Variants in CALB2 observed in about 807,000 individuals in gnomAD.
CALB2 encodes calbindin 2.
A neutral mutation model predicts 45.9 loss-of-function variants in CALB2; 34 were observed. That is an observed-to-expected ratio of 0.74 (90% CI 0.56 to 0.99). The LOEUF (loss-of-function observed/expected upper bound fraction) is 0.99. CALB2 is among the 50% of genes least tolerant of loss of function. CALB2 has a pLI of 0.00. For missense variants in CALB2, 344 were observed against 339.3 expected (o/e 1.01, Z -0.11); for synonymous variants, 142 against 129.6 (o/e 1.10, Z -0.65).
At chr16:71,374,035 T>G (rs1339760969) in intron 2 of CALB2, among the ~76,000 whole-genome samples, 2 of 152,128 alleles carry the variant, frequency 1.3e-5, no homozygotes, top group Non-Finnish European at 2.9e-5. Context: ...CATCATTGAT[T>G]AGGGAGAAGG....
In CALB2 at chr16:71,370,720, G is replaced by T. The variant is rs1306559060; in HGVS notation, c.95-1433G>T. Among the ~76,000 whole-genome samples the T allele has an allele frequency of 2.0e-5, 3 of 152,092 alleles. No homozygotes were observed. The East Asian group carries it at 5.8e-4, about 29-fold the overall frequency. ...AACTCTAGCCTGGGCAACACAGCAAGACCCTGTCTCAAAAAAAAGGAAAAA... is the reference window on the plus strand; with the variant it reads ...AACTCTAGCCTGGGCAACACAGCAATACCCTGTCTCAAAAAAAAGGAAAAA... On this transcript the variant is annotated intron_variant, in intron 1 of 10. Transcript: ENST00000302628.
chr16:71,381,217 C>T (rs1179955441), intron 4 of CALB2, among the ~76,000 whole-genome samples: 1 of 152,184 alleles, frequency 6.6e-6, no homozygotes, highest in East Asian at 1.9e-4. Context: ...TTGGTGAAGT[C>T]ATATTTGGAA....
intron 3 of CALB2, among the ~76,000 whole-genome samples, chr16:71,375,326 A>G (rs974640433): frequency 3.3e-5 from 5 of 152,204 alleles, no homozygotes; most frequent in African/African-American, 7.2e-5. Flanking sequence ...ATGCACACGT[A>G]TATACACATA....
Position 71,369,756 on chromosome 16 carries a change from C to A in CALB2, c.95-2397C>A, listed in dbSNP as rs79788612. On this transcript the variant is annotated intron_variant, in intron 1 of 10. Transcript: ENST00000302628. ...GGGCTGAGCTCAGCTTTCCACCTCCCCGTCTGACTCTACAAAGCCTCCGAG... is the reference window on the plus strand; with the variant it reads ...GGGCTGAGCTCAGCTTTCCACCTCCACGTCTGACTCTACAAAGCCTCCGAG... Among the ~76,000 whole-genome samples the A allele has an allele frequency of 6.1e-4, 75 of 123,276 alleles. No homozygotes were observed. In the East Asian group the frequency reaches 9.5e-3, roughly 16 times the overall value. The allele number at this position is 123,276 out of a possible 152,430, so 80.9% of individuals were successfully genotyped here. A position where few individuals can be genotyped will look rare whatever the true frequency, so the allele number is the denominator to read the frequency against.
rs1233225523 is a variant in CALB2 at position 71,370,567 on chromosome 16, T to G, written c.95-1586T>G. Among the ~76,000 whole-genome samples, 11 of 152,116 alleles carry G rather than the reference T, an allele frequency of 7.2e-5. No homozygotes were observed. The East Asian group carries it at 1.9e-3, about 27-fold the overall frequency. Reference sequence around the variant, plus strand: ...AGAGGTGGGGGCCAGATATCCATATTTTTTTTAAGATCCCTGGGTGCCAGG... The same window carrying G: ...AGAGGTGGGGGCCAGATATCCATATGTTTTTTAAGATCCCTGGGTGCCAGG... On this transcript the variant is annotated intron_variant, in intron 1 of 10. Transcript: ENST00000302628.
intron 1 of CALB2, among the ~76,000 whole-genome samples, chr16:71,365,462 C>T (rs935383198): frequency 6.6e-6 from 1 of 152,204 alleles, no homozygotes; most frequent in Non-Finnish European, 1.5e-5. Flanking sequence ...ATTTGCATTT[C>T]TAAGAAGCCC....
intron 1 of CALB2, among the ~76,000 whole-genome samples, chr16:71,364,280 CTTGATATTG>C (rs1274873774): frequency 0.029 from 4,396 of 152,274 alleles, 223 homozygotes; most frequent in African/African-American, 0.1. Context: ...CCTGCATTGC[CTTGATATTG>C]ACAGCCAGGC....
chr16:71,382,622 G>A (rs1276987889), intron 4 of CALB2, 97 bp from the exon 5 acceptor site: 2 of 1,152,524 alleles, frequency 1.7e-6, no homozygotes, highest in South Asian at 2.8e-5. Context: ...TATTCTTGAA[G>A]ATCAAGACCC....
chr16:71,377,222 AT>A (rs1287116108), intron 3 of CALB2, among the ~76,000 whole-genome samples: 1 of 152,178 alleles, frequency 6.6e-6, no homozygotes, highest in Admixed American at 6.6e-5. Flanking sequence ...TTGAGTTTAG[AT>A]TTTAGGCCAT....
At position 71,390,006 on chromosome 16, in the gene CALB2, G is replaced by A. The variant is rs1478717851; in HGVS notation, c.*141G>A. 1.6e-6 allele frequency: 1 copy of A among 628,482 alleles called. No individual in the cohort carries two copies. The highest frequency in any genetic ancestry group is 2.8e-6 in the Non-Finnish European group (1 of 352,496). The allele number at this position is 628,482 out of a possible 1,614,324, so 38.9% of individuals were successfully genotyped here. On this transcript the variant is annotated 3_prime_UTR_variant, in exon 11 of 11. Coordinates refer to ENST00000302628, the MANE Select transcript of CALB2 (RefSeq NM_001740.5). ...CACCTGCCTGCAGAGCAGGAAATGA[G>A]AGATAGAGGATGGGCAGCTGGGGGG...
intron 10 of CALB2, among the ~76,000 whole-genome samples, chr16:71,389,355 A>C (rs994901477): frequency 6.6e-6 from 1 of 152,200 alleles, no homozygotes; most frequent in Non-Finnish European, 1.5e-5. Flanking sequence ...GGTCGAGGAA[A>C]TATATACAAG....
rs1219682584 is a variant in CALB2, at chr16:71,377,692, A to G, written c.287A>G (p.Glu96Gly). 6.2e-7 allele frequency: 1 copy of G among 1,613,942 alleles called. No homozygotes were observed. The highest frequency in any genetic ancestry group is 1.3e-5 in the African/African-American group (1 of 74,934). The change falls in exon 4 of 11, where the codon GAG becomes GGG. Residue 96 changes from glutamate to glycine, a missense_variant. Physicochemically the swap from Glu to Gly is moderately conservative, Grantham distance 98 (BLOSUM62 -2). Around this residue, in one of 3 missense-constraint regions of CALB2, gnomAD observed 263 missense variants for 241.7 expected, o/e 1.09. Transcript: ENST00000302628. ...AELAQILPTE[E>G]NFLLCFRQHV... is the part of the protein sequence containing the mutation. The stretch of plus-strand genomic sequence containing the variant: ...CTGGCGCAGATCCTGCCAACCGAAG[A>G]GAACTTCCTTCTGTGCTTCAGGCAG...
chr16:71,383,871 C>G, intron 6 of CALB2, 99 bp from the exon 7 acceptor site: 1 of 1,356,244 alleles, frequency 7.4e-7, no homozygotes, highest in Non-Finnish European at 1.1e-6. Flanking sequence ...AGCATGAGCA[C>G]GTGTCACCCG....
At chr16:71,363,820 G>A (rs535903008) in intron 1 of CALB2, among the ~76,000 whole-genome samples, 7 of 152,298 alleles carry the variant, frequency 4.6e-5, no homozygotes, top group South Asian at 4.2e-4. Flanking sequence ...TTATCAAAAC[G>A]ATTGGGTCTT....
intron 3 of CALB2, 108 bp downstream of exon 3, chr16:71,374,942 A>G: frequency 1.4e-6 from 1 of 711,022 alleles, no homozygotes; most frequent in Non-Finnish European, 2.5e-6. Flanking sequence ...TGGGGGCCTC[A>G]AAGCTCCTGC....
chr16:71,367,649 C>G (rs897154695), intron 1 of CALB2, among the ~76,000 whole-genome samples: 2 of 152,144 alleles, frequency 1.3e-5, no homozygotes, highest in African/African-American at 2.4e-5. Context: ...CCAGGCTGAC[C>G]ATTGATGCTC....
At chr16:71,376,748 C>T (rs1567539607) in intron 3 of CALB2, among the ~76,000 whole-genome samples, 5 of 151,726 alleles carry the variant, frequency 3.3e-5, no homozygotes. Context: ...ACCACACACA[C>T]CCCCATACAA....
intron 1 of CALB2, among the ~76,000 whole-genome samples, chr16:71,367,583 C>T (rs1055717640): frequency 7.2e-5 from 11 of 152,250 alleles, no homozygotes; most frequent in South Asian, 2.1e-4. Context: ...CGCCACCTGC[C>T]GATCTCTCCT....
At position 71,374,665 on chromosome 16, in the gene CALB2, G is replaced by T. The variant is rs1480058436; in HGVS notation, c.172-80G>T. 5 of 983,074 alleles carry T rather than the reference G, an allele frequency of 5.1e-6. No homozygotes were observed. In the East Asian group the frequency reaches 1.2e-4, roughly 24 times the overall value. The allele number at this position is 983,074 out of a possible 1,614,324, so 60.9% of individuals were successfully genotyped here. ...GCACCCACTTACCCAGGATGCAAATGATTTCCAAGCTTCCTGCTCTGAGAT... is the reference window on the plus strand; with the variant it reads ...GCACCCACTTACCCAGGATGCAAATTATTTCCAAGCTTCCTGCTCTGAGAT... On this transcript the variant is annotated intron_variant, in intron 2 of 10. Coordinates refer to ENST00000302628, the MANE Select transcript of CALB2 (RefSeq NM_001740.5).
Sources: allele counts gnomAD v4.1 joint callset (sites outside exome capture counted in the v4.1 genomes callset), GRCh38; gene constraint gnomAD v4.1.1; regional missense constraint gnomAD v4.1.1; transcripts MANE v1.5; gene names NCBI Gene and HGNC (gene_info 2026-07-23, HGNC 2026-07-21).